PALLD: variants seen among roughly 807,000 people sequenced by gnomAD.
The protein encoded by PALLD is palladin.
Under a neutral mutation model 123.5 loss-of-function variants are expected in PALLD, and 61 were observed. The ratio of observed to expected loss-of-function variants is 0.49; its 90% confidence interval spans 0.40 to 0.61. The LOEUF (loss-of-function observed/expected upper bound fraction) is 0.61, where lower values mean the gene tolerates loss of function less well. Among genes scored for constraint, PALLD ranks in the 20% least tolerant of loss-of-function variants. The pLI, the probability that PALLD is intolerant of heterozygous loss-of-function variation, is 0.00. For synonymous variants in PALLD, 465 were observed against 496.4 expected (o/e 0.94, Z 0.84); for missense variants, 1,273 against 1,377.0 (o/e 0.92, Z 1.20).
At chr4:168,824,675 AT>A (rs765143856) in intron 10 of PALLD, among the ~76,000 whole-genome samples, 2 of 151,800 alleles carry the variant, frequency 1.3e-5, no homozygotes, top group Middle Eastern at 3.2e-3. Flanking sequence ...AAAAATCTTA[AT>A]TTTTTTTCCT....
At chr4:168,621,749 C>T (rs1023735560) in intron 2 of PALLD, among the ~76,000 whole-genome samples, 3 of 152,166 alleles carry the variant, frequency 2.0e-5, no homozygotes, top group African/African-American at 7.2e-5. Flanking sequence ...AGGTGTGACC[C>T]AAGGGGTCCA....
At chr4:168,601,631 A>T (rs945391887) in intron 2 of PALLD, among the ~76,000 whole-genome samples, 1 of 152,208 alleles carries the variant, frequency 6.6e-6, no homozygotes, top group Non-Finnish European at 1.5e-5. Flanking sequence ...AAGAATAAAA[A>T]TAAGTTGTCT....
chr4:168,698,290 T>C (rs1490910580), intron 8 of PALLD, among the ~76,000 whole-genome samples: 1 of 152,192 alleles, frequency 6.6e-6, no homozygotes, highest in African/African-American at 2.4e-5. Context: ...TAGTATTTGA[T>C]AGCACAACAG....
chr4:168,789,030 A>G (rs1468332764), intron 10 of PALLD, among the ~76,000 whole-genome samples: 4 of 152,204 alleles, frequency 2.6e-5, no homozygotes, highest in Admixed American at 2.0e-4. Context: ...TCTTTTCTTT[A>G]TAATTGTATG....
intron 10 of PALLD, among the ~76,000 whole-genome samples, chr4:168,811,749 CTCTCTCTT>C (rs1741148280): frequency 1.6e-5 from 2 of 127,622 alleles, no homozygotes; most frequent in African/African-American, 6.7e-5. Context: ...CTCTCTTTCT[CTCTCTCTT>C]TCTCTCTCTC....
At chr4:168,658,266 G>T (rs2149959837) in intron 2 of PALLD, among the ~76,000 whole-genome samples, 1 of 150,130 alleles carries the variant, frequency 6.7e-6, no homozygotes, top group Non-Finnish European at 1.5e-5. Flanking sequence ...GTTTTTTGTT[G>T]GTGGTGGGTT....
intron 2 of PALLD, among the ~76,000 whole-genome samples, chr4:168,570,827 T>C (rs899459559): frequency 5.9e-5 from 9 of 152,192 alleles, no homozygotes; most frequent in African/African-American, 2.2e-4. Context: ...ATTGACACTC[T>C]TGGTTAATTC....
At chr4:168,828,576 G>T (rs1314371112) in intron 10 of PALLD, among the ~76,000 whole-genome samples, 1 of 152,168 alleles carries the variant, frequency 6.6e-6, no homozygotes, top group Non-Finnish European at 1.5e-5. Flanking sequence ...AATACTGTTG[G>T]TTTTTAGTGT....
At chr4:168,846,606 G>GC (rs1328170314) in intron 10 of PALLD, among the ~76,000 whole-genome samples, 3 of 152,196 alleles carry the variant, frequency 2.0e-5, no homozygotes, top group Admixed American at 6.5e-5. Flanking sequence ...GCATGTCATG[G>GC]TAGTGAGATG....
At chr4:168,575,740 C>G (rs546114043) in intron 2 of PALLD, among the ~76,000 whole-genome samples, 2 of 152,234 alleles carry the variant, frequency 1.3e-5, no homozygotes, top group South Asian at 4.1e-4. Context: ...AATGCAAATT[C>G]TACTTTAGTA....
At chr4:168,910,642 T>C (rs1374877552) in intron 15 of PALLD, among the ~76,000 whole-genome samples, 3 of 152,168 alleles carry the variant, frequency 2.0e-5, no homozygotes, top group African/African-American at 7.2e-5. Flanking sequence ...ATTAATGCCT[T>C]TAATCTTCAT....
intron 2 of PALLD, among the ~76,000 whole-genome samples, chr4:168,514,360 G>T (rs988944007): frequency 3.9e-5 from 6 of 152,164 alleles, no homozygotes; most frequent in African/African-American, 1.2e-4. Flanking sequence ...CTGAAAAGTG[G>T]TGTGATTACA....
At chr4:168,655,768 G>C (rs540738200) in intron 2 of PALLD, among the ~76,000 whole-genome samples, 1 of 152,172 alleles carries the variant, frequency 6.6e-6, no homozygotes, top group Non-Finnish European at 1.5e-5. Context: ...TAATGAACTC[G>C]GGGAAATTTT....
intron 10 of PALLD, among the ~76,000 whole-genome samples, chr4:168,729,946 T>C (rs796387641): frequency 5.9e-5 from 9 of 152,200 alleles, no homozygotes; most frequent in African/African-American, 2.2e-4. Context: ...TGGTTTCTAA[T>C]CCTGTATATG....
chr4:168,535,832 G>A (rs1015581837), intron 2 of PALLD, among the ~76,000 whole-genome samples: 4 of 152,148 alleles, frequency 2.6e-5, no homozygotes, highest in Admixed American at 2.0e-4. Context: ...TCTATAAGGG[G>A]TAAGTGAGCA....
chr4:168,579,054 G>C (rs1346999182), intron 2 of PALLD, among the ~76,000 whole-genome samples: 3 of 151,930 alleles, frequency 2.0e-5, no homozygotes, highest in South Asian at 4.2e-4. Context: ...GGAGATCAAA[G>C]AAAGGGATAA....
At chr4:168,558,261 C>T (rs988975246) in intron 2 of PALLD, among the ~76,000 whole-genome samples, 13 of 152,184 alleles carry the variant, frequency 8.5e-5, no homozygotes, top group East Asian at 7.7e-4. Flanking sequence ...GGCAGATCAG[C>T]GCTTCCCTGG....
intron 17 of PALLD, among the ~76,000 whole-genome samples, chr4:168,920,612 A>G (rs549260548): frequency 6.6e-6 from 1 of 152,294 alleles, no homozygotes; most frequent in South Asian, 2.1e-4. Flanking sequence ...TTTGCGGCAC[A>G]ACATGTTATT....
chr4:168,529,380 C>CT (rs1561213513), intron 2 of PALLD, among the ~76,000 whole-genome samples: 1 of 152,024 alleles, frequency 6.6e-6, no homozygotes, highest in African/African-American at 2.4e-5. Flanking sequence ...AAATCTGACT[C>CT]CCTCCCTCAG....
Sources: gnomAD v4.1 joint callset for allele counts (sites outside exome capture counted in the v4.1 genomes callset) on GRCh38, gnomAD v4.1.1 for gene constraint, MANE v1.5 for transcripts, NCBI Gene and HGNC (gene_info 2026-07-23, HGNC 2026-07-21) for gene names.